FCHSD2: variants seen among roughly 807,000 people sequenced by gnomAD.
FCHSD2 encodes the protein FCH and double SH3 domains 2.
Under a neutral mutation model 108.1 loss-of-function variants are expected in FCHSD2, and 38 were observed. The observed-to-expected ratio is 0.35, with a 90% CI of 0.27 to 0.46. The LOEUF (loss-of-function observed/expected upper bound fraction) is 0.46, where lower values mean the gene tolerates loss of function less well. FCHSD2 is among the 20% of genes least tolerant of loss of function. The probability of loss-of-function intolerance (pLI) is 1.00; values close to 1 mark genes in which losing one functional copy is unlikely to be tolerated. For synonymous variants in FCHSD2, 279 were observed against 314.7 expected (o/e 0.89, Z 1.20); for missense variants, 751 against 897.8 (o/e 0.84, Z 2.09).
intron 2 of FCHSD2, 78 bp from the exon 3 acceptor site, chr11:73,083,818 T>C: frequency 1.1e-6 from 1 of 890,442 alleles, no homozygotes; most frequent in Non-Finnish European, 1.8e-6. Flanking sequence ...CACCTTCAAA[T>C]ACTGCCTGGT....
At chr11:72,875,391 C>G (rs78082263) in intron 12 of FCHSD2, among the ~76,000 whole-genome samples, 10,684 of 152,246 alleles carry the variant, frequency 0.07, 508 homozygotes, top group South Asian at 0.15. Context: ...TTGACAGAGT[C>G]TCGCTCTGCT....
At chr11:72,914,318 C>A (rs1209512059) in intron 9 of FCHSD2, among the ~76,000 whole-genome samples, 3 of 152,070 alleles carry the variant, frequency 2.0e-5, no homozygotes, top group African/African-American at 7.2e-5. Context: ...CCAGCCTGCC[C>A]TAAGCAATTT....
At chr11:72,969,928 G>C (rs1277123652) in intron 8 of FCHSD2, among the ~76,000 whole-genome samples, 1 of 152,174 alleles carries the variant, frequency 6.6e-6, no homozygotes, top group Non-Finnish European at 1.5e-5. Flanking sequence ...ACTGGGCTCA[G>C]AAAAAGACTT....
chr11:72,983,947 ACAATAACAAGTATATTC>A (rs1449285207), intron 8 of FCHSD2, 124 bp downstream of exon 8: 1 of 736,572 alleles, frequency 1.4e-6, no homozygotes, highest in Non-Finnish European at 2.4e-6. Flanking sequence ...TGCTATCCAA[ACAATAACAAGTATATTC>A]CAATGAGATG....
At chr11:72,860,601 T>C (rs1302913151) in intron 13 of FCHSD2, among the ~76,000 whole-genome samples, 1 of 152,036 alleles carries the variant, frequency 6.6e-6, no homozygotes, top group East Asian at 1.9e-4. Context: ...TCCTACCACT[T>C]TGGGAGGCTG....
chr11:72,904,141 G>C (rs185288665), intron 9 of FCHSD2, among the ~76,000 whole-genome samples: 6 of 152,312 alleles, frequency 3.9e-5, no homozygotes, highest in Non-Finnish European at 7.4e-5. Context: ...GAGGTGAGGA[G>C]TTGTCAGAAT....
At chr11:72,917,661 G>A (rs1379124623) in intron 9 of FCHSD2, among the ~76,000 whole-genome samples, 4 of 152,132 alleles carry the variant, frequency 2.6e-5, no homozygotes, top group South Asian at 2.1e-4. Context: ...CAAGGCAGGC[G>A]GATCACTTGA....
chr11:72,967,056 C>T (rs1418265227), intron 8 of FCHSD2, among the ~76,000 whole-genome samples: 1 of 151,952 alleles, frequency 6.6e-6, no homozygotes, highest in Non-Finnish European at 1.5e-5. Context: ...AAAAATTAGC[C>T]GGGCCTGGTG....
chr11:73,059,215 T>C (rs1376641584), intron 3 of FCHSD2, among the ~76,000 whole-genome samples: 2 of 152,104 alleles, frequency 1.3e-5, no homozygotes, highest in African/African-American at 4.8e-5. Flanking sequence ...ATACAGAGTC[T>C]ATTGACAATG....
intron 3 of FCHSD2, among the ~76,000 whole-genome samples, chr11:73,062,239 A>G (rs1859184737): frequency 6.6e-6 from 1 of 152,218 alleles, no homozygotes; most frequent in Non-Finnish European, 1.5e-5. Flanking sequence ...GAAAACTAAC[A>G]AACAGAAAGG....
At chr11:72,928,631 G>A (rs1197338922) in intron 8 of FCHSD2, among the ~76,000 whole-genome samples, 7 of 152,154 alleles carry the variant, frequency 4.6e-5, no homozygotes, top group Non-Finnish European at 7.4e-5. Flanking sequence ...ATTCTTCTAT[G>A]TGCTGTATGG....
intron 2 of FCHSD2, among the ~76,000 whole-genome samples, chr11:73,094,569 C>T (rs1466406863): frequency 6.6e-6 from 1 of 152,118 alleles, no homozygotes; most frequent in African/African-American, 2.4e-5. Flanking sequence ...GAGTAAAGCT[C>T]AGTAACAAAA....
At chr11:72,988,876 C>A in intron 6 of FCHSD2, 88 bp downstream of exon 6, 1 of 1,094,558 alleles carries the variant, frequency 9.1e-7, no homozygotes, top group Non-Finnish European at 1.3e-6. Flanking sequence ...GAGAATGGGT[C>A]CATGCTCACT....
chr11:73,026,640 G>T (rs1486564483), intron 3 of FCHSD2, among the ~76,000 whole-genome samples: 2 of 152,216 alleles, frequency 1.3e-5, no homozygotes, highest in East Asian at 3.9e-4. Flanking sequence ...AGATCAGAAG[G>T]ACAAATGAGA....
chr11:72,956,376 G>C (rs535816248), intron 8 of FCHSD2, among the ~76,000 whole-genome samples: 39 of 152,270 alleles, frequency 2.6e-4, no homozygotes, highest in Non-Finnish European at 3.8e-4. Context: ...TAAGGCTGGT[G>C]AGTGGAGGTC....
intron 6 of FCHSD2, among the ~76,000 whole-genome samples, chr11:72,986,464 C>T (rs574755611): frequency 9.8e-5 from 15 of 152,352 alleles, no homozygotes; most frequent in African/African-American, 2.6e-4. Flanking sequence ...CCGCCTCGGC[C>T]TCCCAAAGTG....
chr11:73,065,586 A>G (rs1859271571), intron 3 of FCHSD2, among the ~76,000 whole-genome samples: 1 of 152,252 alleles, frequency 6.6e-6, no homozygotes, highest in African/African-American at 2.4e-5. Flanking sequence ...TGCAGATGAC[A>G]TGATTGCATA....
At chr11:72,946,133 C>T (rs1273790308) in intron 8 of FCHSD2, among the ~76,000 whole-genome samples, 1 of 152,096 alleles carries the variant, frequency 6.6e-6, no homozygotes, top group Non-Finnish European at 1.5e-5. Flanking sequence ...ATAGGAAAGA[C>T]TTGGAACCAA....
intron 6 of FCHSD2, among the ~76,000 whole-genome samples, chr11:72,986,065 A>G (rs963325012): frequency 3.3e-5 from 5 of 152,172 alleles, no homozygotes; most frequent in Non-Finnish European, 7.3e-5. Flanking sequence ...GGATAGGAAA[A>G]GCAGCCTCTT....
Sources: allele counts gnomAD v4.1 joint callset (sites outside exome capture counted in the v4.1 genomes callset), GRCh38; gene constraint gnomAD v4.1.1; transcripts MANE v1.5; gene names NCBI Gene and HGNC (gene_info 2026-07-23, HGNC 2026-07-21).